NAPA: variants seen among roughly 807,000 people sequenced by gnomAD.
The protein encoded by NAPA is alpha-soluble NSF attachment protein.
Under a neutral mutation model 48.0 loss-of-function variants are expected in NAPA, and 18 were observed. The ratio of observed to expected loss-of-function variants is 0.38; its 90% CI spans 0.26 to 0.56. The LOEUF is 0.56. NAPA is among the 20% of genes least tolerant of loss of function. The pLI is 0.77. For synonymous variants in NAPA, 152 were observed against 149.9 expected, an observed-to-expected ratio of 1.01 and a Z score of -0.10; for missense variants, 315 against 385.0, an observed-to-expected ratio of 0.82 and a Z score of 1.52.
chr19:47,512,386 C>T (rs1968821679), intron 1 of NAPA, among the ~76,000 whole-genome samples: 1 of 152,010 alleles, frequency 6.6e-6, no homozygotes, highest in African/African-American at 2.4e-5. Context: ...TGAGCTCAGA[C>T]AGTCACAGGA....
chr19:47,497,149 G>T, intron 3 of NAPA: 1 of 218,048 alleles, frequency 4.6e-6, no homozygotes. Flanking sequence ...TGAGAGGCCC[G>T]CCTTGCCCCG....
chr19:47,509,472 T>G (rs1294413923), intron 1 of NAPA, among the ~76,000 whole-genome samples: 1 of 152,182 alleles, frequency 6.6e-6, no homozygotes, highest in African/African-American at 2.4e-5. Context: ...ACTCCACACC[T>G]TGCAGGGCTG....
chr19:47,492,126 C>A lies in NAPA; in HGVS notation c.562-7G>T, dbSNP rs746775872. 6.2e-7 allele frequency: 1 copy of A among 1,612,118 alleles called. No homozygotes were observed. Reference sequence around the variant, plus strand: ...CCATGGCATTGGTCCCCACCTGTAGCCATGGAGAAGTGGCACTGGTGAGCT... The same window carrying A: ...CCATGGCATTGGTCCCCACCTGTAGACATGGAGAAGTGGCACTGGTGAGCT... On this transcript the variant is annotated splice_region_variant and splice_polypyrimidine_tract_variant and intron_variant, in intron 7 of 10. Transcript: ENST00000263354.
intron 3 of NAPA, 200 bp from the exon 4 acceptor site, chr19:47,495,796 A>G (rs1968407850): frequency 3.3e-6 from 2 of 600,340 alleles, no homozygotes; most frequent in African/African-American, 3.7e-5. Context: ...ATCTGGTGAG[A>G]GGGCTGACTC....
chr19:47,508,962 G>A (rs185576625), intron 1 of NAPA, among the ~76,000 whole-genome samples: 1 of 152,068 alleles, frequency 6.6e-6, no homozygotes, highest in South Asian at 2.1e-4. Context: ...TACAGTCCCA[G>A]CTACTTGGGA....
At chr19:47,508,272 G>C (rs1968732383) in intron 1 of NAPA, among the ~76,000 whole-genome samples, 1 of 152,224 alleles carries the variant, frequency 6.6e-6, no homozygotes, top group Non-Finnish European at 1.5e-5. Flanking sequence ...AGCCCTGCTA[G>C]TCCACTGACT....
intron 7 of NAPA, 61 bp downstream of exon 7, chr19:47,492,900 G>T (rs1268284078): frequency 6.5e-7 from 1 of 1,539,494 alleles, no homozygotes; most frequent in South Asian, 1.1e-5. Flanking sequence ...CCGGGGCTTA[G>T]GAGGAGGCAC....
chr19:47,496,988 C>A, intron 3 of NAPA: 1 of 336,640 alleles, frequency 3.0e-6, no homozygotes, highest in Non-Finnish European at 6.2e-6. Flanking sequence ...ACAGTGGAAA[C>A]GGTGGCAAAA....
rs746451087 is a variant in NAPA at position 47,514,911 on chromosome 19, C to T, written c.30G>A (p.Ala10=). 3 of 1,614,018 alleles carry T rather than the reference C, an allele frequency of 1.9e-6. No homozygotes were observed. Among genetic ancestry groups the T allele is most frequent in the South Asian group, 2.2e-5 (2 of 91,080 alleles). MDNSGKEAE[A]MALLAEAERK... ...GCTCCGCCTCGGCCAACAGCGCCATCGCCTCCGCTTCCTTCCCGGAATTGT... is the reference window on the plus strand; with the variant it reads ...GCTCCGCCTCGGCCAACAGCGCCATTGCCTCCGCTTCCTTCCCGGAATTGT... The change falls in exon 1 of 11, where the codon GCG becomes GCA. Residue 10 remains alanine (A), a synonymous_variant. Transcript: ENST00000263354.
At chr19:47,514,568 TCCTCG>T in intron 1 of NAPA, among the ~76,000 whole-genome samples, 2 of 152,100 alleles carry the variant, frequency 1.3e-5, no homozygotes, top group Middle Eastern at 3.4e-3. Flanking sequence ...TGGGTCCCCT[TCCTCG>T]CCTCAAGATA....
chr19:47,488,457 T>C (rs1968140308), intron 10 of NAPA, 68 bp from the exon 11 acceptor site: 1 of 1,311,976 alleles, frequency 7.6e-7, no homozygotes, highest in African/African-American at 1.4e-5. Context: ...CCAAGGGCAC[T>C]TGTCCCAAGG....
At chr19:47,490,474 GGTGT>G (rs1968227834) in intron 9 of NAPA, among the ~76,000 whole-genome samples, 1 of 84,120 alleles carries the variant, frequency 1.2e-5, no homozygotes. Flanking sequence ...GTGTATGTTT[GGTGT>G]GTGTGGTGTG....
At chr19:47,514,235 T>A (rs1473186873) in intron 1 of NAPA, among the ~76,000 whole-genome samples, 1 of 151,916 alleles carries the variant, frequency 6.6e-6, no homozygotes, top group Non-Finnish European at 1.5e-5. Context: ...CAGACGCGGC[T>A]CACCGCTCCT....
downstream of NAPA, among the ~76,000 whole-genome samples, chr19:47,484,808 G>T (rs1968022990): frequency 6.6e-6 from 1 of 150,588 alleles, no homozygotes; most frequent in Admixed American, 6.6e-5. Context: ...GGGTTCAAGC[G>T]ATTCTCCTGC....
At chr19:47,504,695 GTA>G (rs1005275153) in intron 1 of NAPA, among the ~76,000 whole-genome samples, 1 of 151,710 alleles carries the variant, frequency 6.6e-6, no homozygotes, top group Non-Finnish European at 1.5e-5. Flanking sequence ...ATGTGTATGT[GTA>G]TATATGTGTG....
At chr19:47,500,221 C>G (rs975420920) in intron 3 of NAPA, among the ~76,000 whole-genome samples, 4 of 152,192 alleles carry the variant, frequency 2.6e-5, no homozygotes, top group Non-Finnish European at 5.9e-5. Context: ...CCTTTTTCGG[C>G]AGCAACTCCT....
chr19:47,504,888 C>A (rs1968663976), intron 1 of NAPA, among the ~76,000 whole-genome samples: 1 of 152,072 alleles, frequency 6.6e-6, no homozygotes, highest in South Asian at 2.1e-4. Flanking sequence ...AGCAAAACCC[C>A]CCAAAAACTT....
chr19:47,490,754 C>T (rs764751580), intron 9 of NAPA, 34 bp downstream of exon 9: 113 of 1,601,412 alleles, frequency 7.1e-5, no homozygotes, highest in Admixed American at 1.0e-4. Flanking sequence ...GTCTGAGGTT[C>T]GGGAAGGGGG....
At chr19:47,508,907 G>A (rs1450525115) in intron 1 of NAPA, among the ~76,000 whole-genome samples, 4 of 151,974 alleles carry the variant, frequency 2.6e-5, no homozygotes, top group African/African-American at 9.7e-5. Context: ...AACACAGTGA[G>A]ACCCCAACTC....
Sources: gnomAD v4.1 joint callset for allele counts (sites outside exome capture counted in the v4.1 genomes callset) on GRCh38, gnomAD v4.1.1 for gene constraint, MANE v1.5 for transcripts, NCBI Gene and HGNC (gene_info 2026-07-23, HGNC 2026-07-21) for gene names.